The following SCN10A variants were observed in gnomAD, a reference collection of about 807,000 sequenced individuals.
The protein encoded by SCN10A is sodium voltage-gated channel alpha subunit 10.
SCN10A carries 162 observed loss-of-function variants against 170.7 expected under a neutral mutation model. The observed-to-expected ratio is 0.95, with a 90% CI of 0.84 to 1.08. The LOEUF is 1.08. Among genes scored for constraint, SCN10A ranks in the 50% least tolerant of loss-of-function variants. SCN10A has a pLI of 0.00. For synonymous variants in SCN10A, 985 were observed against 904.6 expected (o/e 1.09, Z -1.59); for missense variants, 2,527 against 2,436.9 (o/e 1.04, Z -0.78).
At position 38,707,535 on chromosome 3, in the gene SCN10A, T is replaced by A. The variant is rs6599248; in HGVS notation, c.4282-152A>T. 0.8 allele frequency: 568,296 copies of A among 713,042 alleles called. 228,240 individuals are homozygous for A. The highest frequency in any genetic ancestry group is 0.86 in the African/African-American group (48,959 of 56,936). The allele number at this position is 713,042 out of a possible 1,614,324, so 44.2% of individuals were successfully genotyped here. A position where few individuals can be genotyped will look rare whatever the true frequency, so the allele number is the denominator to read the frequency against. On this transcript the variant is annotated intron_variant, in intron 25 of 27. Coordinates refer to ENST00000449082, the MANE Select transcript of SCN10A (RefSeq NM_006514.4). ...CAGCATCAAGGAGTGTCTTGCCACA[T>A]CCAGTGTCGGAACGGTGGGACTGAG... is the stretch of plus-strand genomic sequence containing the variant.
At chr3:38,757,795 T>A (rs1345472241) in intron 8 of SCN10A, among the ~76,000 whole-genome samples, 1 of 152,136 alleles carries the variant, frequency 6.6e-6, no homozygotes, top group Non-Finnish European at 1.5e-5. Context: ...CAGCCTAGCC[T>A]CCTCCTGAAG....
rs894488510 is a variant in SCN10A at position 38,787,079 on chromosome 3, G to A, written c.470+1877C>T. Among the ~76,000 whole-genome samples, 7 of 152,206 alleles carry A rather than the reference G, an allele frequency of 4.6e-5. No individual in the cohort carries two copies. In the South Asian group the frequency reaches 1.5e-3, roughly 32 times the overall value. On this transcript the variant is annotated intron_variant, in intron 4 of 27. Coordinates refer to ENST00000449082, the MANE Select transcript of SCN10A (RefSeq NM_006514.4). ...CAAGTAATACCAAAAGAAGCCTGTTGAAATATTGATTTGAGGATCATATTA... is the reference window on the plus strand; with the variant it reads ...CAAGTAATACCAAAAGAAGCCTGTTAAAATATTGATTTGAGGATCATATTA...
At chr3:38,756,962 T>C in intron 9 of SCN10A, 56 bp downstream of exon 9, 1 of 1,605,234 alleles carries the variant, frequency 6.2e-7, no homozygotes, top group Non-Finnish European at 8.5e-7. Flanking sequence ...AGCACAGCCA[T>C]GCAGCTGACC....
chr3:38,756,642 C>T, intron 10 of SCN10A, 32 bp downstream of exon 10: 3 of 1,578,702 alleles, frequency 1.9e-6, no homozygotes, highest in Non-Finnish European at 2.6e-6. Context: ...CAGTCTGCAA[C>T]CTTCTTCACA....
intron 14 of SCN10A, 80 bp downstream of exon 14, chr3:38,742,211 C>T: frequency 2.1e-6 from 2 of 963,574 alleles, no homozygotes; most frequent in Non-Finnish European, 3.2e-6. Flanking sequence ...CATGCCCCAC[C>T]CCACCCGAAC....
In SCN10A at chr3:38,739,532, G is replaced by A; in HGVS notation, c.2263C>T (p.Leu755=). 7.4e-6 allele frequency: 12 copies of A among 1,613,942 alleles called. No homozygotes were observed. The highest frequency in any genetic ancestry group is 1.1e-5 in the South Asian group (1 of 91,004). Residue 755 remains leucine (L), a synonymous_variant, in exon 15 of 28, where the codon CTG becomes TTG. Coordinates refer to ENST00000449082, the MANE Select transcript of SCN10A (RefSeq NM_006514.4). ...AACATTACCAAGCGGAAGCTCCGCA[G>A]CACAGACAGGCTTCCCTTCTTGGCC... ...GVAKKGSLSV[L]RSFRLLRVFK...
Position 38,737,838 on chromosome 3 carries a change from C to CTTTCT in SCN10A, c.2280+1676_2280+1677insAGAAA, listed in dbSNP as rs549093627. Reference sequence around the variant, plus strand: ...TTTCTTTCTTTCTTTCTTTCTCTTTCTTCTTTCTTTCTTTCTCTTTTTCTT... The same window carrying CTTTCT: ...TTTCTTTCTTTCTTTCTTTCTCTTTCTTTCTTTCTTTCTTTCTTTCTCTTTTTCTT... On this transcript the variant is annotated intron_variant, in intron 15 of 27. Coordinates refer to ENST00000449082, the MANE Select transcript of SCN10A (RefSeq NM_006514.4). Among the ~76,000 whole-genome samples the CTTTCT allele has an allele frequency of 1.6e-3, 69 of 41,890 alleles. 1 individual carries two copies. The highest frequency in any genetic ancestry group is 0.012 in the African/African-American group (64 of 5,476). The allele number at this position is 41,890 out of a possible 152,430, so 27.5% of individuals were successfully genotyped here. A position where few individuals can be genotyped will look rare whatever the true frequency, so the allele number is the denominator to read the frequency against.
rs778620135 is a variant in SCN10A, at chr3:38,760,761, G to A, written c.884-14C>T. ...TGTAGATATCTGCTGAAGAAAGGAA[G>A]AAAAGAAAGCCTCACAGATGGTTCT... On this transcript the variant is annotated splice_polypyrimidine_tract_variant and intron_variant, in intron 7 of 27. Coordinates refer to ENST00000449082, the MANE Select transcript of SCN10A (RefSeq NM_006514.4). 1.2e-6 allele frequency: 2 copies of A among 1,606,798 alleles called. No individual in the cohort carries two copies. The highest frequency in any genetic ancestry group is 2.2e-5 in the East Asian group (1 of 44,826).
At chr3:38,760,818 T>C in intron 7 of SCN10A, 71 bp from the exon 8 acceptor site, 1 of 1,267,280 alleles carries the variant, frequency 7.9e-7, no homozygotes, top group South Asian at 1.2e-5. Context: ...GTGTGGTGAA[T>C]GCAATATTCC....
In SCN10A at chr3:38,697,695, A is replaced by G; in HGVS notation, c.5525T>C (p.Ile1842Thr). 1 of 1,614,060 alleles carries G rather than the reference A, an allele frequency of 6.2e-7. No individual in the cohort carries two copies. Among genetic ancestry groups the G allele is most frequent in the East Asian group, 2.2e-5 (1 of 44,860 alleles). ...TNLSKSSYEP[I>T]ATTLRWKQED... ...TTGCTTCCATCGGAGAGTGGTTGCT[A>G]TTGGTTCATAGGATGATTTTGAAAG... is the stretch of plus-strand genomic sequence containing the variant. The change falls in exon 28 of 28, where the codon ATA becomes ACA. Residue 1842 changes from isoleucine to threonine, a missense_variant. Physicochemically the swap from Ile to Thr is moderately conservative, Grantham distance 89. Coordinates refer to ENST00000449082, the MANE Select transcript of SCN10A (RefSeq NM_006514.4).
In SCN10A at chr3:38,792,131, C is replaced by A; in HGVS notation, c.308G>T (p.Arg103Leu). The A allele has an allele frequency of 6.2e-7, 1 of 1,613,826 alleles. No individual in the cohort carries two copies. Among genetic ancestry groups the A allele is most frequent in the Non-Finnish European group, 8.5e-7 (1 of 1,179,814 alleles). The change falls in exon 3 of 28, where the codon CGG (arginine) becomes CTG (leucine). Residue 103 changes from arginine to leucine, a missense_variant. Coordinates refer to ENST00000449082, the MANE Select transcript of SCN10A (RefSeq NM_006514.4). Reference sequence around the variant, plus strand: ...CCACAGGGCCCGAGTGGCACTAAACCGGGAAATGGTCCTCCCTTTGTTCAG... The same window carrying A: ...CCACAGGGCCCGAGTGGCACTAAACAGGGAAATGGTCCTCCCTTTGTTCAG... ...MVLNKGRTIS[R>L]FSATRALWLF...
At chr3:38,736,361 CTG>C (rs68001863) in intron 15 of SCN10A, among the ~76,000 whole-genome samples, 8,640 of 139,358 alleles carry the variant, frequency 0.062, 250 homozygotes, top group African/African-American at 0.086. Flanking sequence ...TAGGGAAACT[CTG>C]TGTGTGTGTG....
At chr3:38,729,771 G>C (rs1167212891) in intron 15 of SCN10A, among the ~76,000 whole-genome samples, 1 of 152,190 alleles carries the variant, frequency 6.6e-6, no homozygotes, top group East Asian at 1.9e-4. Flanking sequence ...TGTGTTTATG[G>C]AGCACCTACT....
intron 11 of SCN10A, among the ~76,000 whole-genome samples, chr3:38,755,046 C>T (rs1479987836): frequency 6.6e-6 from 1 of 151,754 alleles, no homozygotes; most frequent in Non-Finnish European, 1.5e-5. Flanking sequence ...GAGTGGGAGG[C>T]AGAAAGTTAT....
intron 5 of SCN10A, among the ~76,000 whole-genome samples, chr3:38,764,360 T>C (rs1328358403): frequency 6.6e-6 from 1 of 152,088 alleles, no homozygotes; most frequent in East Asian, 1.9e-4. Flanking sequence ...CTCTTATCCC[T>C]TACCTTCGTC....
At chr3:38,720,653 G>A (rs565551040) in intron 20 of SCN10A, among the ~76,000 whole-genome samples, 1 of 152,190 alleles carries the variant, frequency 6.6e-6, no homozygotes, top group East Asian at 1.9e-4. Context: ...GGCGGGCTGG[G>A]CTGGCGCAGT....
At chr3:38,808,794 A>G (rs951096122) in intron 1 of SCN10A, among the ~76,000 whole-genome samples, 3 of 152,222 alleles carry the variant, frequency 2.0e-5, no homozygotes, top group Non-Finnish European at 4.4e-5. Flanking sequence ...AAGGCAAGAA[A>G]ACTAAAATGG....
intron 26 of SCN10A, among the ~76,000 whole-genome samples, chr3:38,703,000 C>A (rs945559426): frequency 6.6e-6 from 1 of 152,168 alleles, no homozygotes; most frequent in Non-Finnish European, 1.5e-5. Context: ...ATGGAGCTCA[C>A]CTGCCTTGAT....
At chr3:38,786,944 A>G (rs2064212195) in intron 4 of SCN10A, among the ~76,000 whole-genome samples, 1 of 152,170 alleles carries the variant, frequency 6.6e-6, no homozygotes, top group Non-Finnish European at 1.5e-5. Context: ...CATCCAGTAG[A>G]ATGAGTTCTC....
Sources: allele counts gnomAD v4.1 joint callset (sites outside exome capture counted in the v4.1 genomes callset), GRCh38; gene constraint gnomAD v4.1.1; transcripts MANE v1.5; gene names NCBI Gene and HGNC (gene_info 2026-07-23, HGNC 2026-07-21).